Variants in PCBP3 observed in about 807,000 individuals in gnomAD.
The protein encoded by PCBP3 is poly(rC) binding protein 3, also known as poly(rC)-binding protein 3.
PCBP3 carries 25 observed loss-of-function variants against 52.7 expected under a neutral mutation model. That is an observed-to-expected ratio of 0.47 (90% CI 0.35 to 0.66). The LOEUF is 0.66. PCBP3 is among the 30% of genes least tolerant of loss of function. PCBP3 has a pLI of 0.01. For missense variants in PCBP3, 391 were observed against 490.3 expected (o/e 0.80, Z 1.91); for synonymous variants, 162 against 183.0 (o/e 0.89, Z 0.93).
intron 3 of PCBP3, among the ~76,000 whole-genome samples, chr21:45,752,497 T>G (rs908917426): frequency 1.3e-5 from 2 of 152,130 alleles, no homozygotes; most frequent in African/African-American, 2.4e-5. Flanking sequence ...ATATAGTACT[T>G]TTATTATCCT....
At chr21:45,905,930 G>A (rs922884104) in intron 9 of PCBP3, among the ~76,000 whole-genome samples, 6 of 152,180 alleles carry the variant, frequency 3.9e-5, no homozygotes, top group South Asian at 2.1e-4. Flanking sequence ...CGGGATTCTC[G>A]ACAGAGTCCA....
At chr21:45,895,964 G>A (rs895481279) in intron 5 of PCBP3, among the ~76,000 whole-genome samples, 12 of 152,232 alleles carry the variant, frequency 7.9e-5, no homozygotes, top group African/African-American at 1.4e-4. Flanking sequence ...CAGGGGCTGC[G>A]GTGGCCTGCC....
intron 2 of PCBP3, among the ~76,000 whole-genome samples, chr21:45,682,675 T>C (rs2081922672): frequency 6.6e-6 from 1 of 151,962 alleles, no homozygotes; most frequent in African/African-American, 2.4e-5. Context: ...CCCAGGGTTT[T>C]AGACTGACAA....
rs943527723 is a variant in PCBP3, at chr21:45,861,383, C to T, written c.10+11288C>T. ...ACAGGCCCACCCACACCAGCCTCAACGCTCAGTGTCCAGTCCTGCCCCAGC... is the reference window on the plus strand; with the variant it reads ...ACAGGCCCACCCACACCAGCCTCAATGCTCAGTGTCCAGTCCTGCCCCAGC... On this transcript the variant is annotated intron_variant, in intron 5 of 17. Transcript: ENST00000681687. Among the ~76,000 whole-genome samples the T allele has an allele frequency of 2.0e-5, 3 of 152,198 alleles. No individual in the cohort carries two copies. In the South Asian group the frequency reaches 6.2e-4, roughly 32 times the overall value.
At chr21:45,775,234 T>A (rs1178806438) in intron 4 of PCBP3, among the ~76,000 whole-genome samples, 2 of 152,198 alleles carry the variant, frequency 1.3e-5, no homozygotes, top group African/African-American at 2.4e-5. Context: ...TGACTCAGTC[T>A]TGGCAGGTTG....
chr21:45,811,217 ACAG>A (rs1012209013), intron 4 of PCBP3, among the ~76,000 whole-genome samples: 1 of 152,218 alleles, frequency 6.6e-6, no homozygotes, highest in African/African-American at 2.4e-5. Context: ...TCCATGGCTT[ACAG>A]CACAAGCTCA....
At chr21:45,921,932 TGTGCAG>T (rs1415421560) in intron 13 of PCBP3, among the ~76,000 whole-genome samples, 2 of 152,208 alleles carry the variant, frequency 1.3e-5, no homozygotes, top group Non-Finnish European at 2.9e-5. Context: ...GTGCTCTGGA[TGTGCAG>T]GTGTTTTGAA....
At chr21:45,644,784 A>C (rs1020852195) in intron 1 of PCBP3, among the ~76,000 whole-genome samples, 1 of 152,116 alleles carries the variant, frequency 6.6e-6, no homozygotes, top group African/African-American at 2.4e-5. Flanking sequence ...AGGCCTTTAG[A>C]GATTAGACTG....
At chr21:45,751,601 GT>G (rs2087512867) in intron 3 of PCBP3, 1 of 152,282 alleles carries the variant, frequency 6.6e-6, no homozygotes, top group Non-Finnish European at 1.5e-5. Context: ...ATATTTTGCA[GT>G]TACACCCAGT....
intron 2 of PCBP3, among the ~76,000 whole-genome samples, chr21:45,710,462 A>C (rs1030176656): frequency 6.6e-6 from 1 of 152,160 alleles, no homozygotes; most frequent in African/African-American, 2.4e-5. Context: ...AGCTTCATCC[A>C]TGTCCCTAGA....
intron 5 of PCBP3, among the ~76,000 whole-genome samples, chr21:45,852,986 T>G (rs1354243536): frequency 6.6e-6 from 1 of 152,246 alleles, no homozygotes; most frequent in African/African-American, 2.4e-5. Context: ...ACTTCTTGTC[T>G]GAGAGATGCA....
At chr21:45,935,153 A>C in intron 15 of PCBP3, 100 bp from the exon 16 acceptor site, 1 of 800,160 alleles carries the variant, frequency 1.2e-6, no homozygotes, top group South Asian at 1.6e-5. Context: ...CCAGCTCTAC[A>C]GCCCTGTCTC....
chr21:45,705,743 T>C (rs191193354), intron 2 of PCBP3, among the ~76,000 whole-genome samples: 172 of 152,244 alleles, frequency 1.1e-3, no homozygotes, highest in Admixed American at 2.4e-3. Flanking sequence ...TCTTTTTTTT[T>C]CCCCCTCTCA....
intron 10 of PCBP3, 91 bp from the exon 11 acceptor site, chr21:45,910,811 C>G (rs1378091756): frequency 2.3e-6 from 3 of 1,323,692 alleles, no homozygotes; most frequent in Non-Finnish European, 3.1e-6. Context: ...GGAAGTGTCC[C>G]CCGAGCTGCC....
At chr21:45,662,171 G>C (rs1037960748) in intron 1 of PCBP3, among the ~76,000 whole-genome samples, 2 of 149,912 alleles carry the variant, frequency 1.3e-5, no homozygotes, top group African/African-American at 4.9e-5. Flanking sequence ...TGTTATTGTT[G>C]ATCTCGGTTC....
At chr21:45,739,331 T>G (rs996207448) in intron 3 of PCBP3, among the ~76,000 whole-genome samples, 1,495 of 11,100 alleles carry the variant, frequency 0.13, 79 homozygotes, top group Middle Eastern at 0.5. Flanking sequence ...GGGTGGCCCC[T>G]CCCATCTTCA....
At position 45,913,380 on chromosome 21, in the gene PCBP3, C is replaced by T. The variant is rs79700104; in HGVS notation, c.601-571C>T. ...GACTGTCACCACGGGCCAAGCCAAG[C>T]GCTTTGGATATAGGTCCCGGTGGAG... On this transcript the variant is annotated intron_variant, in intron 11 of 17. Transcript: ENST00000681687. Among the ~76,000 whole-genome samples the T allele has an allele frequency of 3.8e-4, 58 of 152,298 alleles. No homozygotes were observed. In the East Asian group the frequency reaches 0.01, roughly 27 times the overall value.
At chr21:45,912,299 C>T (rs908042870) in intron 11 of PCBP3, among the ~76,000 whole-genome samples, 2 of 152,232 alleles carry the variant, frequency 1.3e-5, no homozygotes, top group Non-Finnish European at 1.5e-5. Context: ...CTCTCACTCC[C>T]GCTGGCTGTG....
intron 13 of PCBP3, among the ~76,000 whole-genome samples, chr21:45,924,490 C>T (rs112967862): frequency 4.1e-4 from 22 of 53,998 alleles, no homozygotes; most frequent in African/African-American, 1.9e-3. Context: ...TGAGGAGATG[C>T]GAACACCGGG....
Sources: gnomAD v4.1 joint callset for allele counts (sites outside exome capture counted in the v4.1 genomes callset) on GRCh38, gnomAD v4.1.1 for gene constraint, MANE v1.5 for transcripts, NCBI Gene and HGNC (gene_info 2026-07-23, HGNC 2026-07-21) for gene names.